The following TBC1D17 variants were observed in gnomAD, a reference collection of about 807,000 sequenced individuals.
TBC1D17 encodes TBC1 domain family, member 17.
TBC1D17 carries 69 observed loss-of-function variants against 78.8 expected under a neutral mutation model. That is an observed-to-expected ratio of 0.88 (90% CI 0.72 to 1.07). TBC1D17 has a LOEUF of 1.07. Among genes scored for constraint, TBC1D17 ranks in the 50% least tolerant of loss-of-function variants. The pLI is 0.00. For synonymous variants in TBC1D17, 456 were observed against 358.3 expected (o/e 1.27, Z -3.08); for missense variants, 957 against 861.0 (o/e 1.11, Z -1.39).
In TBC1D17 at chr19:49,880,287, T is replaced by G. The variant is rs773944416; in HGVS notation, c.204T>G (p.Ser68Arg). Residue 68 changes from serine (S) to arginine (R), a missense_variant, in exon 4 of 17, where the codon AGT becomes AGG. Ser to Arg is a moderately radical substitution (Grantham distance 110). Transcript: ENST00000221543. ...TCCTTTCCTCTCCTAAGGACTCCAGTGGGGGTGACTCATGTGCTTCTGAGG... is the reference window on the plus strand; with the variant it reads ...TCCTTTCCTCTCCTAAGGACTCCAGGGGGGGTGACTCATGTGCTTCTGAGG... Reference protein sequence around the residue: ...TQILFSKKDSSGGDSCASEEE... With the variant: ...TQILFSKKDSRGGDSCASEEE... 1 of 1,614,026 alleles carries G rather than the reference T, an allele frequency of 6.2e-7. No homozygotes were observed. The highest frequency in any genetic ancestry group is 8.5e-7 in the Non-Finnish European group (1 of 1,179,960).
Position 49,887,488 on chromosome 19 carries a change from C to T in TBC1D17, c.1457C>T (p.Ser486Phe). ...LLCDFLDSQD[S>F]GSLCFCFRWL... ...TGTCATCCCCCAGATTCCCAGGACTCCGGCTCTCTCTGCTTCTGTTTCCGG... is the reference window on the plus strand; with the variant it reads ...TGTCATCCCCCAGATTCCCAGGACTTCGGCTCTCTCTGCTTCTGTTTCCGG... Residue 486 changes from serine (S) to phenylalanine (F), a missense_variant, in exon 14 of 17, where the codon TCC (serine) becomes TTC (phenylalanine). Transcript: ENST00000221543. The T allele has an allele frequency of 6.2e-7, 1 of 1,614,086 alleles. No homozygotes were observed.
Position 49,888,698 on chromosome 19 carries a change from T to C in TBC1D17, c.*74T>C. The C allele has an allele frequency of 7.7e-7, 1 of 1,302,266 alleles. No individual in the cohort carries two copies. Among genetic ancestry groups the C allele is most frequent in the East Asian group, 2.6e-5 (1 of 38,834 alleles). 80.7% of individuals were successfully genotyped at this position (1,302,266 alleles called of 1,614,324 possible). A position where few individuals can be genotyped will look rare whatever the true frequency, so the allele number is the denominator to read the frequency against. On this transcript the variant is annotated 3_prime_UTR_variant, in exon 17 of 17. Coordinates refer to ENST00000221543, the MANE Select transcript of TBC1D17 (RefSeq NM_024682.3). Reference sequence around the variant, plus strand: ...CACACCTGCGAGGGGGCAGGTGTGCTCCGCCGCCCTGCTGATAAGCTGGCT... The same window carrying C: ...CACACCTGCGAGGGGGCAGGTGTGCCCCGCCGCCCTGCTGATAAGCTGGCT...
Position 49,888,285 on chromosome 19 carries a change from G to A in TBC1D17, c.1714G>A (p.Glu572Lys), listed in dbSNP as rs1294633063. The change falls in exon 16 of 17, where the codon GAG (glutamate) becomes AAG (lysine). Residue 572 changes from glutamate to lysine, a missense_variant. Transcript: ENST00000221543. ...LSVEDVLTRA[E>K]ALHRQLTACP... ...CGTGGAGGACGTGCTGACCCGCGCC[G>A]AGGCCCTGCACCGCCAGCTAACCGC... is the stretch of plus-strand genomic sequence containing the variant. 6.3e-7 allele frequency: 1 copy of A among 1,592,026 alleles called. No individual in the cohort carries two copies. Among genetic ancestry groups the A allele is most frequent in the Non-Finnish European group, 8.5e-7 (1 of 1,170,178 alleles).
chr19:49,886,402 C>T (rs1172719123), intron 13 of TBC1D17: 1 of 152,174 alleles, frequency 6.6e-6, no homozygotes, highest in Non-Finnish European at 1.5e-5. Context: ...GATACTCTGT[C>T]CTCACCTTAC....
intron 2 of TBC1D17, 101 bp from the exon 3 acceptor site, chr19:49,878,397 G>A (rs2074978981): frequency 1.5e-6 from 2 of 1,338,396 alleles, no homozygotes; most frequent in South Asian, 2.4e-5. Flanking sequence ...GACTTTGAAA[G>A]GCTGAGGGTA....
At chr19:49,881,547 G>A in intron 5 of TBC1D17, 72 bp downstream of exon 5, 2 of 1,442,896 alleles carry the variant, frequency 1.4e-6, no homozygotes, top group Admixed American at 1.9e-5. Context: ...ACCCCTCGGG[G>A]CTGTGAAAGA....
In TBC1D17 at chr19:49,878,217, TG is replaced by T. The variant is rs1192354171; in HGVS notation, c.98del (p.Gly33ValfsTer19). Reference sequence around the variant, plus strand: ...ATCAGGACCGAGACTCTCTCATCGCTGGTGTCATCCGTGTCGTGGAAAAGGT... The same window carrying T: ...ATCAGGACCGAGACTCTCTCATCGCTGTGTCATCCGTGTCGTGGAAAAGGT... ...KYQDRDSLIA[G>X]VIRVVEKDND... On this transcript the variant is annotated frameshift_variant, in exon 2 of 17. Coordinates refer to ENST00000221543, the MANE Select transcript of TBC1D17 (RefSeq NM_024682.3). LOFTEE classifies it high-confidence loss of function. The T allele has an allele frequency of 6.4e-7, 1 of 1,562,006 alleles. No individual in the cohort carries two copies. Among genetic ancestry groups the T allele is most frequent in the African/African-American group, 1.4e-5 (1 of 73,298 alleles).
At chr19:49,878,959 G>A (rs1006628154) in intron 3 of TBC1D17, 2 of 225,940 alleles carry the variant, frequency 8.9e-6, no homozygotes, top group Non-Finnish European at 8.9e-6. Flanking sequence ...CTTTCCCTTC[G>A]TTATGTCTCC....
chr19:49,878,412 C>A, intron 2 of TBC1D17, 86 bp from the exon 3 acceptor site: 1 of 1,417,754 alleles, frequency 7.1e-7, no homozygotes, highest in Non-Finnish European at 1.0e-6. Context: ...AGGGTAGAAA[C>A]TGGGAAAGTT....
Position 49,888,323 on chromosome 19 carries a change from TC to T in TBC1D17, c.1746+10del. 1.3e-6 allele frequency: 2 copies of T among 1,565,168 alleles called. No homozygotes were observed. Among genetic ancestry groups the T allele is most frequent in the South Asian group, 1.2e-5 (1 of 85,428 alleles). ...GCCAGCTAACCGCCTGCCCCGTGAG[TC>T]CCCGTCCGCCCCGCAGCGCCCCGCC... On this transcript the variant is annotated splice_region_variant and intron_variant, in intron 16 of 16. Coordinates refer to ENST00000221543, the MANE Select transcript of TBC1D17 (RefSeq NM_024682.3).
At chr19:49,878,330 G>T in intron 2 of TBC1D17, 89 bp downstream of exon 2, 1 of 1,365,092 alleles carries the variant, frequency 7.3e-7, no homozygotes, top group Non-Finnish European at 1.0e-6. Context: ...AGTTTGGTCT[G>T]GCGGTCAGCA....
intron 4 of TBC1D17, among the ~76,000 whole-genome samples, chr19:49,880,863 G>C (rs1369787020): frequency 1.3e-5 from 2 of 152,262 alleles, no homozygotes; most frequent in African/African-American, 4.8e-5. Context: ...CTGGCAGAGA[G>C]AGCAGCCCGT....
Position 49,883,745 on chromosome 19 carries a change from G to T in TBC1D17, c.1126G>T (p.Glu376Ter), listed in dbSNP as rs374232022. The T allele has an allele frequency of 6.2e-7, 1 of 1,613,504 alleles. No homozygotes were observed. Among genetic ancestry groups the T allele is most frequent in the Admixed American group, 1.7e-5 (1 of 60,008 alleles). Reference sequence around the variant, plus strand: ...TCTGCATGGATACCGCAGCCTCATCGGTCAGTGTCAGGGGTGGCACTTAGG... The same window carrying T: ...TCTGCATGGATACCGCAGCCTCATCTGTCAGTGTCAGGGGTGGCACTTAGG... ...SLLHGYRSLI[E>*]RDVSRTDRTN... The change falls in exon 10 of 17, where the codon GAA becomes TAA. Residue 376 changes from glutamate to a stop codon, truncating the protein, a stop_gained and splice_region_variant. Coordinates refer to ENST00000221543, the MANE Select transcript of TBC1D17 (RefSeq NM_024682.3). LOFTEE classifies it high-confidence loss of function.
rs377217207 is a variant in TBC1D17 at position 49,882,285 on chromosome 19, C to T, written c.683C>T (p.Ser228Phe). 19 of 1,612,216 alleles carry T rather than the reference C, an allele frequency of 1.2e-5. No homozygotes were observed. Among genetic ancestry groups the T allele is most frequent in the Non-Finnish European group, 1.5e-5 (18 of 1,180,006 alleles). Residue 228 changes from serine to phenylalanine, a missense_variant, in exon 7 of 17, where the codon TCC becomes TTC. Coordinates refer to ENST00000221543, the MANE Select transcript of TBC1D17 (RefSeq NM_024682.3). ...TACTCCACCACCTTCAGCAGCTTCT[C>T]CCGAGTGACCAACTTCTTCCGGGGT... ...DPYSTTFSSFSRVTNFFRGAL... is the reference protein window; with the variant it reads ...DPYSTTFSSFFRVTNFFRGAL...
At chr19:49,878,061 C>T (rs2074974072) in intron 1 of TBC1D17, 82 bp from the exon 2 acceptor site, 1 of 1,175,336 alleles carries the variant, frequency 8.5e-7, no homozygotes, top group Non-Finnish European at 1.2e-6. Flanking sequence ...GAGGGTGGCT[C>T]CTCCCTGGGC....
chr19:49,878,584 C>G lies in TBC1D17; in HGVS notation c.195+12C>G, dbSNP rs772937669. The G allele has an allele frequency of 3.7e-6, 6 of 1,613,600 alleles. No homozygotes were observed. The highest frequency in any genetic ancestry group is 1.1e-5 in the South Asian group (1 of 91,066). ...TCTTCTCCAAGAAGGTAGGCTCCAC[C>G]CGCTTTGCCCTTCTCCACTCGCTTT... is the stretch of plus-strand genomic sequence containing the variant. On this transcript the variant is annotated intron_variant, in intron 3 of 16. Coordinates refer to ENST00000221543, the MANE Select transcript of TBC1D17 (RefSeq NM_024682.3).
chr19:49,886,463 C>G (rs566295923), intron 13 of TBC1D17: 2 of 152,280 alleles, frequency 1.3e-5, no homozygotes, highest in South Asian at 4.2e-4. Flanking sequence ...GGCACAAGGA[C>G]AGAGGCTGCC....
Position 49,887,846 on chromosome 19 carries a change from G to C in TBC1D17, c.1659+12G>C. The C allele has an allele frequency of 6.3e-7, 1 of 1,596,788 alleles. No individual in the cohort carries two copies. Among genetic ancestry groups the C allele is most frequent in the Non-Finnish European group, 8.5e-7 (1 of 1,171,386 alleles). On this transcript the variant is annotated intron_variant, in intron 15 of 16. Coordinates refer to ENST00000221543, the MANE Select transcript of TBC1D17 (RefSeq NM_024682.3). ...ATGAGATCCTCAAGGTGAGGCTCCG[G>C]CCCCGCCCCCGCCCTGTCCCCCCTG...
rs753384830 is a variant in TBC1D17, at chr19:49,878,207, C to G, written c.86C>G (p.Ser29Cys). The stretch of plus-strand genomic sequence containing the variant: ...GCTAAGAAGTATCAGGACCGAGACT[C>G]TCTCATCGCTGGTGTCATCCGTGTC... Reference protein sequence around the residue: ...TSAKKYQDRDSLIAGVIRVVE... With the variant: ...TSAKKYQDRDCLIAGVIRVVE... The change falls in exon 2 of 17, where the codon TCT becomes TGT. Residue 29 changes from serine to cysteine, a missense_variant. Coordinates refer to ENST00000221543, the MANE Select transcript of TBC1D17 (RefSeq NM_024682.3). The G allele has an allele frequency of 3.2e-6, 5 of 1,565,682 alleles. No homozygotes were observed. The highest frequency in any genetic ancestry group is 1.4e-5 in the African/African-American group (1 of 73,534).
Sources: allele counts gnomAD v4.1 joint callset (sites outside exome capture counted in the v4.1 genomes callset), GRCh38; gene constraint gnomAD v4.1.1; transcripts MANE v1.5; gene names NCBI Gene and HGNC (gene_info 2026-07-23, HGNC 2026-07-21).